The following CDC42SE2 variants were observed in gnomAD, a reference collection of about 807,000 sequenced individuals.
CDC42SE2 encodes the protein CDC42 small effector 2.
CDC42SE2 carries 3 observed loss-of-function variants against 11.5 expected under a neutral mutation model. That is an observed-to-expected ratio of 0.26 (90% CI 0.12 to 0.67). The LOEUF is 0.67. CDC42SE2 is among the 30% of genes least tolerant of loss of function. The pLI, the probability that CDC42SE2 is intolerant of heterozygous loss-of-function variation, is 0.80. For synonymous variants in CDC42SE2, 33 were observed against 34.8 expected (o/e 0.95, Z 0.18); for missense variants, 82 against 106.8 (o/e 0.77, Z 1.02).
At chr5:131,278,234 T>C (rs547345878) in intron 1 of CDC42SE2, among the ~76,000 whole-genome samples, 29 of 152,312 alleles carry the variant, frequency 1.9e-4, no homozygotes, top group African/African-American at 5.1e-4. Flanking sequence ...AGATCCCGCC[T>C]GGGCCTCCCA....
chr5:131,301,065 T>C (rs1344685210), intron 1 of CDC42SE2, among the ~76,000 whole-genome samples: 3 of 152,192 alleles, frequency 2.0e-5, no homozygotes, highest in Admixed American at 6.5e-5. Context: ...CAGTCAGAAT[T>C]GGAAACTATA....
intron 3 of CDC42SE2, among the ~76,000 whole-genome samples, chr5:131,367,348 G>A (rs766453305): frequency 6.6e-6 from 1 of 151,892 alleles, no homozygotes; most frequent in Admixed American, 6.6e-5. Flanking sequence ...GAGTATACTT[G>A]TTTCTGTAGC....
rs1236387644 is a variant in CDC42SE2 at position 131,392,497 on chromosome 5, T to G, written c.*1406T>G. On this transcript the variant is annotated 3_prime_UTR_variant, in exon 5 of 5. Transcript: ENST00000505065. ...TAGAAAAAGATTACTTGTAGCTTAT[T>G]TTAGAAGTATGACCTTTTGGTCTGT... 6.6e-6 allele frequency: 1 copy of G among 152,422 alleles called. No individual in the cohort carries two copies. Among genetic ancestry groups the G allele is most frequent in the Non-Finnish European group, 1.5e-5 (1 of 68,022 alleles). 9.4% of individuals were successfully genotyped at this position (152,422 alleles called of 1,614,324 possible). A position where few individuals can be genotyped will look rare whatever the true frequency, so the allele number is the denominator to read the frequency against.
intron 1 of CDC42SE2, among the ~76,000 whole-genome samples, chr5:131,299,839 T>C (rs916948410): frequency 6.6e-6 from 1 of 152,154 alleles, no homozygotes; most frequent in Non-Finnish European, 1.5e-5. Context: ...TAATGTAATG[T>C]TAGTTTTTGA....
Position 131,292,921 on chromosome 5 carries a change from A to AAAC in CDC42SE2, c.-454-23053_-454-23052insCAA, listed in dbSNP as rs1554095946. Reference sequence around the variant, plus strand: ...GACCCTGTCTCAAAAAAAAAAAAAAAAAAAAAAAAAAAACAGAAACAAACT... The same window carrying AAAC: ...GACCCTGTCTCAAAAAAAAAAAAAAAAACAAAAAAAAAAAAACAGAAACAAACT... On this transcript the variant is annotated intron_variant, in intron 1 of 4. Transcript: ENST00000505065. 2.0e-3 allele frequency among the ~76,000 whole-genome samples: 280 copies of AAAC among 139,112 alleles called. 18 individuals are homozygous for AAAC. The highest frequency in any genetic ancestry group is 8.2e-3 in the African/African-American group (264 of 32,202). 91.3% of individuals were successfully genotyped at this position (139,112 alleles called of 152,430 possible).
chr5:131,302,881 TTTCCC>T (rs1185157659), intron 1 of CDC42SE2, among the ~76,000 whole-genome samples: 5 of 152,034 alleles, frequency 3.3e-5, no homozygotes, highest in African/African-American at 1.2e-4. Context: ...AAATAGCTTC[TTTCCC>T]CTTTAACGTT....
At chr5:131,280,164 A>G (rs1184866690) in intron 1 of CDC42SE2, among the ~76,000 whole-genome samples, 2 of 152,236 alleles carry the variant, frequency 1.3e-5, no homozygotes. Flanking sequence ...AACTGGTGCT[A>G]CTGAATTAAA....
intron 2 of CDC42SE2, among the ~76,000 whole-genome samples, chr5:131,338,606 T>TAA (rs1381834589): frequency 6.6e-6 from 1 of 152,234 alleles, no homozygotes; most frequent in East Asian, 1.9e-4. Context: ...TTTACTCATT[T>TAA]AATCCTCACA....
At chr5:131,255,755 G>A (rs972754937) in intron 2 of CDC42SE2, among the ~76,000 whole-genome samples, 5 of 151,882 alleles carry the variant, frequency 3.3e-5, no homozygotes, top group Admixed American at 6.6e-5. Flanking sequence ...GCAAGACTCC[G>A]TCTCAGAAAA....
intron 2 of CDC42SE2, among the ~76,000 whole-genome samples, chr5:131,257,241 A>G (rs1245855095): frequency 1.3e-5 from 2 of 152,068 alleles, no homozygotes; most frequent in Non-Finnish European, 2.9e-5. Context: ...TTTACTCACC[A>G]TGAACTTTCT....
chr5:131,374,569 G>A (rs1339843255), intron 3 of CDC42SE2, among the ~76,000 whole-genome samples: 2 of 148,756 alleles, frequency 1.3e-5, no homozygotes, highest in African/African-American at 2.5e-5. Flanking sequence ...GACATTGTGT[G>A]TAAAATTTGT....
chr5:131,249,525 G>C (rs1370628891), intron 1 of CDC42SE2, among the ~76,000 whole-genome samples: 2 of 152,120 alleles, frequency 1.3e-5, no homozygotes, highest in Non-Finnish European at 2.9e-5. Flanking sequence ...ATGAGGAAAG[G>C]AGGATCTGTT....
chr5:131,233,577 A>G, the CDC42SE2 span, among the ~76,000 whole-genome samples: 1 of 152,178 alleles, frequency 6.6e-6, no homozygotes, highest in Admixed American at 6.5e-5. Context: ...CCTGTTGGCC[A>G]AGCTGGTCTC....
At chr5:131,346,314 C>T (rs1758842906) in intron 2 of CDC42SE2, among the ~76,000 whole-genome samples, 2 of 151,954 alleles carry the variant, frequency 1.3e-5, no homozygotes, top group African/African-American at 4.8e-5. Context: ...GAAGATCTAC[C>T]AAGCAAATGG....
chr5:131,346,626 T>C (rs1469522790), intron 2 of CDC42SE2, among the ~76,000 whole-genome samples: 1 of 152,180 alleles, frequency 6.6e-6, no homozygotes, highest in Non-Finnish European at 1.5e-5. Flanking sequence ...TATCCAGGAA[T>C]TGAACTCAGC....
At chr5:131,357,583 A>G (rs1749588480) in intron 2 of CDC42SE2, among the ~76,000 whole-genome samples, 1 of 152,230 alleles carries the variant, frequency 6.6e-6, no homozygotes. Flanking sequence ...TAAATGTGTG[A>G]GGTCTCTTTC....
rs570939738 is a variant in CDC42SE2 at position 131,346,618 on chromosome 5, T to C, written c.-285-12591T>C. 1.0e-3 allele frequency among the ~76,000 whole-genome samples: 154 copies of C among 152,210 alleles called. 1 individual carries two copies. Among genetic ancestry groups the C allele is most frequent in the Non-Finnish European group, 2.5e-4 (17 of 68,000 alleles). On this transcript the variant is annotated intron_variant, in intron 2 of 4. Transcript: ENST00000505065. ...ATGAGACAGAAAGTTGACAAGGATA[T>C]CCAGGAATTGAACTCAGCTCTGCAC...
chr5:131,244,240 T>C (rs566729369), upstream of CDC42SE2, among the ~76,000 whole-genome samples: 6 of 152,318 alleles, frequency 3.9e-5, no homozygotes, highest in South Asian at 1.2e-3. Context: ...GACAAAATTA[T>C]AATCATAGTG....
chr5:131,347,396 T>C (rs1758874715), intron 2 of CDC42SE2, among the ~76,000 whole-genome samples: 1 of 152,162 alleles, frequency 6.6e-6, no homozygotes, highest in Non-Finnish European at 1.5e-5. Flanking sequence ...CTAGAAAATC[T>C]AGAAGAAATG....
Sources: allele counts gnomAD v4.1 joint callset (sites outside exome capture counted in the v4.1 genomes callset), GRCh38; gene constraint gnomAD v4.1.1; transcripts MANE v1.5; gene names NCBI Gene and HGNC (gene_info 2026-07-23, HGNC 2026-07-21).